Variants in MEGF9 observed in about 807,000 individuals in gnomAD.
MEGF9 encodes the protein multiple epidermal growth factor-like domains protein 9.
MEGF9 carries 6 observed loss-of-function variants against 46.8 expected under a neutral mutation model. The observed-to-expected ratio is 0.13, with a 90% confidence interval of 0.07 to 0.25. The LOEUF (loss-of-function observed/expected upper bound fraction) is 0.25, where lower values mean the gene tolerates loss of function less well. MEGF9 is among the 10% of genes least tolerant of loss of function. The pLI, the probability that MEGF9 is intolerant of heterozygous loss-of-function variation, is 1.00. For synonymous variants in MEGF9, 302 were observed against 330.7 expected (o/e 0.91, Z 0.94); for missense variants, 683 against 792.4 (o/e 0.86, Z 1.66).
intron 2 of MEGF9, among the ~76,000 whole-genome samples, chr9:120,656,996 T>C (rs2043680337): frequency 1.3e-5 from 2 of 152,238 alleles, no homozygotes; most frequent in South Asian, 2.1e-4. Flanking sequence ...ATACCCACCA[T>C]GATTGGATAT....
In MEGF9 at chr9:120,643,711, C is replaced by CT. The variant is rs905342541; in HGVS notation, c.803+15662dup. On this transcript the variant is annotated intron_variant, in intron 2 of 5. Coordinates refer to ENST00000373930, the MANE Select transcript of MEGF9 (RefSeq NM_001080497.3). ...TTCCACTAATGTTTCTTTTTTTTTT[C>CT]TTTTTTTTTTTGAGACAGGATCTAG... Among the ~76,000 whole-genome samples, 66 of 141,486 alleles carry CT rather than the reference C, an allele frequency of 4.7e-4. 2 individuals are homozygous for CT. The highest frequency in any genetic ancestry group is 1.6e-3 in the South Asian group (7 of 4,440). 92.8% of individuals were successfully genotyped at this position (141,486 alleles called of 152,430 possible).
At position 120,688,616 on chromosome 9, in the gene MEGF9, G is replaced by A. The variant is rs191352371; in HGVS notation, c.601+25142C>T. Among the ~76,000 whole-genome samples the A allele has an allele frequency of 1.7e-4, 26 of 152,298 alleles. No homozygotes were observed. In the East Asian group the frequency reaches 4.0e-3, roughly 24 times the overall value. ...AATAGGTTAAGTATTTAGTATGTTA[G>A]AAGGTAGTTAAATCCTAAGGAGGAA... On this transcript the variant is annotated intron_variant, in intron 1 of 5. Transcript: ENST00000373930.
At chr9:120,677,319 G>C (rs1287572988) in intron 1 of MEGF9, among the ~76,000 whole-genome samples, 1 of 152,018 alleles carries the variant, frequency 6.6e-6, no homozygotes, top group Non-Finnish European at 1.5e-5. Flanking sequence ...TTTTTTTATA[G>C]AGATGGGGTA....
chr9:120,628,778 T>G (rs1344060895), intron 2 of MEGF9, among the ~76,000 whole-genome samples: 1 of 152,168 alleles, frequency 6.6e-6, no homozygotes, highest in South Asian at 2.1e-4. Flanking sequence ...AGGAAGATAT[T>G]AGCTCTATTT....
intron 2 of MEGF9, among the ~76,000 whole-genome samples, chr9:120,638,238 C>A (rs573043085): frequency 6.6e-6 from 1 of 152,332 alleles, no homozygotes; most frequent in South Asian, 2.1e-4. Flanking sequence ...GTGATTCTCC[C>A]ACATTGGCCT....
Position 120,608,014 on chromosome 9 carries a change from A to G in MEGF9, c.1088-4T>C. 6.2e-7 allele frequency: 1 copy of G among 1,613,342 alleles called. No homozygotes were observed. Among genetic ancestry groups the G allele is most frequent in the South Asian group, 1.1e-5 (1 of 91,082 alleles). On this transcript the variant is annotated splice_polypyrimidine_tract_variant and splice_region_variant and intron_variant, in intron 4 of 5. Coordinates refer to ENST00000373930, the MANE Select transcript of MEGF9 (RefSeq NM_001080497.3). The stretch of plus-strand genomic sequence containing the variant: ...TCAGGTTCCAATTCACTCGATTCTA[A>G]AAGAGAGAATGCCAAAATAGTTTAG...
chr9:120,653,912 G>A (rs548974765), intron 2 of MEGF9, among the ~76,000 whole-genome samples: 24 of 152,322 alleles, frequency 1.6e-4, no homozygotes, highest in Non-Finnish European at 2.8e-4. Context: ...TATGGCAAGT[G>A]TAGTGCCAGA....
chr9:120,651,725 A>T (rs1587984527), intron 2 of MEGF9, among the ~76,000 whole-genome samples: 1 of 149,368 alleles, frequency 6.7e-6, no homozygotes, highest in African/African-American at 2.5e-5. Flanking sequence ...TGATCTCGGC[A>T]CACTGCAACC....
intron 1 of MEGF9, among the ~76,000 whole-genome samples, chr9:120,684,246 G>A (rs1252541806): frequency 6.6e-6 from 1 of 152,168 alleles, no homozygotes; most frequent in Non-Finnish European, 1.5e-5. Flanking sequence ...AGTAAGTAGG[G>A]TCTATCTGTA....
chr9:120,699,067 C>T (rs1196857443), intron 1 of MEGF9, among the ~76,000 whole-genome samples: 1 of 152,200 alleles, frequency 6.6e-6, no homozygotes, highest in African/African-American at 2.4e-5. Flanking sequence ...CAGTCACTGA[C>T]TTGATTCTGC....
At chr9:120,694,920 A>G (rs963150231) in intron 1 of MEGF9, among the ~76,000 whole-genome samples, 1 of 124,456 alleles carries the variant, frequency 8.0e-6, no homozygotes, top group Non-Finnish European at 1.7e-5. Flanking sequence ...GGCCTTTTTG[A>G]CAGCATCACT....
Position 120,602,385 on chromosome 9 carries a change from C to T in MEGF9, c.*2805G>A, listed in dbSNP as rs2043400908. On this transcript the variant is annotated 3_prime_UTR_variant, in exon 6 of 6. Coordinates refer to ENST00000373930, the MANE Select transcript of MEGF9 (RefSeq NM_001080497.3). ...GGGCCCATGCCTTTAGAGGAAAGAA[C>T]ATTGTGCAGTGCATCCCATGCTAGT... is the stretch of plus-strand genomic sequence containing the variant. The T allele has an allele frequency of 6.6e-6, 1 of 152,646 alleles. No homozygotes were observed. Among genetic ancestry groups the T allele is most frequent in the African/African-American group, 2.4e-5 (1 of 41,460 alleles). 9.5% of individuals were successfully genotyped at this position (152,646 alleles called of 1,614,324 possible).
chr9:120,687,878 A>G (rs1429176757), intron 1 of MEGF9, among the ~76,000 whole-genome samples: 1 of 152,038 alleles, frequency 6.6e-6, no homozygotes, highest in Non-Finnish European at 1.5e-5. Context: ...GAGAAAATTC[A>G]GATATTACAA....
chr9:120,695,515 A>G (rs2043871856), intron 1 of MEGF9, among the ~76,000 whole-genome samples: 1 of 150,198 alleles, frequency 6.7e-6, no homozygotes, highest in Admixed American at 6.6e-5. Flanking sequence ...AAGGCAGGAG[A>G]ATCGCTTGAA....
At chr9:120,690,007 A>C (rs12237717) in intron 1 of MEGF9, 2 of 525,794 alleles carry the variant, frequency 3.8e-6, no homozygotes, top group Admixed American at 2.0e-5. Context: ...TGAATAAACA[A>C]AGACAGACAA....
intron 1 of MEGF9, among the ~76,000 whole-genome samples, chr9:120,677,319 G>A (rs1287572988): frequency 1.3e-5 from 2 of 152,018 alleles, no homozygotes; most frequent in Admixed American, 6.5e-5. Flanking sequence ...TTTTTTTATA[G>A]AGATGGGGTA....
rs114478358 is a variant in MEGF9, at chr9:120,611,400, A to G, written c.1087+996T>C. 8.0e-3 allele frequency among the ~76,000 whole-genome samples: 1,214 copies of G among 152,288 alleles called. 13 individuals carry two copies. Among genetic ancestry groups the G allele is most frequent in the African/African-American group, 0.028 (1,151 of 41,550 alleles). On this transcript the variant is annotated intron_variant, in intron 4 of 5. Transcript: ENST00000373930. Reference sequence around the variant, plus strand: ...GAAATGGGGTATAACACAATAATATATTATTTAGTAACAAAAAGGAATGAA... The same window carrying G: ...GAAATGGGGTATAACACAATAATATGTTATTTAGTAACAAAAAGGAATGAA...
chr9:120,645,490 G>A (rs2043621849), intron 2 of MEGF9, among the ~76,000 whole-genome samples: 3 of 152,152 alleles, frequency 2.0e-5, no homozygotes, highest in Non-Finnish European at 4.4e-5. Context: ...AACAATTCCA[G>A]GTAGCAGTGA....
At position 120,604,951 on chromosome 9, in the gene MEGF9, G is replaced by T; in HGVS notation, c.*239C>A. 1 of 524,388 alleles carries T rather than the reference G, an allele frequency of 1.9e-6. No individual in the cohort carries two copies. Among genetic ancestry groups the T allele is most frequent in the Admixed American group, 3.6e-5 (1 of 27,734 alleles). The allele number at this position is 524,388 out of a possible 1,614,324, so 32.5% of individuals were successfully genotyped here. On this transcript the variant is annotated 3_prime_UTR_variant, in exon 6 of 6. Transcript: ENST00000373930. Reference sequence around the variant, plus strand: ...GTTCAGCCTTTCCATACTCCCATGTGGTTTGGTACAAAAATATACTTTACT... The same window carrying T: ...GTTCAGCCTTTCCATACTCCCATGTTGTTTGGTACAAAAATATACTTTACT...
Sources: allele counts gnomAD v4.1 joint callset (sites outside exome capture counted in the v4.1 genomes callset), GRCh38; gene constraint gnomAD v4.1.1; transcripts MANE v1.5; gene names NCBI Gene and HGNC (gene_info 2026-07-23, HGNC 2026-07-21).